CPQ: variants seen among roughly 807,000 people sequenced by gnomAD.
CPQ encodes carboxypeptidase Q.
Under a neutral mutation model 45.7 loss-of-function variants are expected in CPQ, and 37 were observed. The ratio of observed to expected loss-of-function variants is 0.81; its 90% CI spans 0.62 to 1.07. The LOEUF is 1.07. Among genes scored for constraint, CPQ ranks in the 50% least tolerant of loss-of-function variants. The pLI is 0.00. For missense variants in CPQ, 537 were observed against 572.9 expected (o/e 0.94, Z 0.64); for synonymous variants, 186 against 205.8 (o/e 0.90, Z 0.82).
At chr8:96,744,893 C>T (rs1236341008) in intron 1 of CPQ, among the ~76,000 whole-genome samples, 1 of 152,096 alleles carries the variant, frequency 6.6e-6, no homozygotes, top group Non-Finnish European at 1.5e-5. Context: ...GATTGTTGCA[C>T]ATCCCTTGGT....
chr8:96,715,645 C>T (rs1809663840), intron 1 of CPQ, among the ~76,000 whole-genome samples: 1 of 152,198 alleles, frequency 6.6e-6, no homozygotes, highest in Non-Finnish European at 1.5e-5. Context: ...GATAGAGCTG[C>T]AGACTTTCCC....
At chr8:96,712,641 G>T (rs907896002) in intron 1 of CPQ, among the ~76,000 whole-genome samples, 1 of 152,222 alleles carries the variant, frequency 6.6e-6, no homozygotes, top group Non-Finnish European at 1.5e-5. Flanking sequence ...CATAGCTGGA[G>T]CTGAAGCAGC....
intron 3 of CPQ, among the ~76,000 whole-genome samples, chr8:96,836,794 T>C (rs1262264817): frequency 8.6e-6 from 1 of 116,242 alleles, no homozygotes; most frequent in East Asian, 2.1e-4. Context: ...TTCACTGGCA[T>C]TTTTTTTTTT....
intron 2 of CPQ, among the ~76,000 whole-genome samples, chr8:96,814,589 A>T (rs1586411225): frequency 6.6e-6 from 1 of 152,180 alleles, no homozygotes; most frequent in East Asian, 1.9e-4. Context: ...CCCTCAACAT[A>T]TATATCATTT....
At chr8:96,647,359 T>TCA in intron 1 of CPQ, among the ~76,000 whole-genome samples, 1 of 152,342 alleles carries the variant, frequency 6.6e-6, no homozygotes, top group South Asian at 2.1e-4. Context: ...AGGCATGGAA[T>TCA]GTTACAAAGC....
chr8:96,891,243 G>A (rs1812371035), intron 4 of CPQ, among the ~76,000 whole-genome samples: 1 of 152,218 alleles, frequency 6.6e-6, no homozygotes, highest in African/African-American at 2.4e-5. Context: ...CAGAAGCATT[G>A]CGTGCAGAAT....
At chr8:96,900,628 T>A (rs1045514961) in intron 4 of CPQ, among the ~76,000 whole-genome samples, 2 of 152,212 alleles carry the variant, frequency 1.3e-5, no homozygotes, top group Non-Finnish European at 2.9e-5. Flanking sequence ...TTTTTTATGC[T>A]TAAGGGTACA....
chr8:97,086,099 G>T (rs1368385206), intron 7 of CPQ, among the ~76,000 whole-genome samples: 1 of 152,094 alleles, frequency 6.6e-6, no homozygotes, highest in Non-Finnish European at 1.5e-5. Flanking sequence ...TAAACTCAAG[G>T]ATATGGGAAG....
At chr8:97,142,137 A>G (rs1199360193) in intron 7 of CPQ, among the ~76,000 whole-genome samples, 2 of 152,138 alleles carry the variant, frequency 1.3e-5, no homozygotes, top group Admixed American at 6.6e-5. Flanking sequence ...TATTATTTTC[A>G]CCCTTTATAA....
intron 7 of CPQ, among the ~76,000 whole-genome samples, chr8:97,130,563 T>TA (rs1811936055): frequency 1.3e-5 from 2 of 152,040 alleles, no homozygotes; most frequent in South Asian, 4.2e-4. Context: ...AGGATTGTCC[T>TA]AAAAAATTAT....
At chr8:96,992,611 C>T (rs1809113882) in intron 5 of CPQ, among the ~76,000 whole-genome samples, 2 of 152,002 alleles carry the variant, frequency 1.3e-5, no homozygotes, top group South Asian at 4.1e-4. Context: ...ATAATAAAGC[C>T]ATCTTCAAGG....
intron 2 of CPQ, among the ~76,000 whole-genome samples, chr8:96,829,920 A>G (rs778373314): frequency 3.9e-5 from 6 of 152,158 alleles, no homozygotes; most frequent in Non-Finnish European, 8.8e-5. Flanking sequence ...TAGGAAGGCT[A>G]TACATTTGTT....
chr8:97,046,310 A>T (rs1295373344), intron 6 of CPQ, among the ~76,000 whole-genome samples: 1 of 151,822 alleles, frequency 6.6e-6, no homozygotes, highest in African/African-American at 2.4e-5. Context: ...ACTCTCATCA[A>T]ATGCTTGTCC....
intron 3 of CPQ, among the ~76,000 whole-genome samples, chr8:96,872,973 C>T (rs946290906): frequency 6.6e-6 from 1 of 151,734 alleles, no homozygotes; most frequent in Non-Finnish European, 1.5e-5. Context: ...AAAGTCCTTC[C>T]TGTATGGTGT....
At chr8:97,107,531 A>T (rs1321174802) in intron 7 of CPQ, among the ~76,000 whole-genome samples, 7 of 152,264 alleles carry the variant, frequency 4.6e-5, no homozygotes, top group Admixed American at 1.3e-4. Context: ...CCTAAGGAAG[A>T]TGGACCCAGA....
At chr8:96,741,116 C>T (rs1001217483) in intron 1 of CPQ, among the ~76,000 whole-genome samples, 12 of 152,206 alleles carry the variant, frequency 7.9e-5, no homozygotes, top group African/African-American at 2.2e-4. Context: ...GACTCTTTTT[C>T]GTTGGTAAGC....
intron 7 of CPQ, among the ~76,000 whole-genome samples, chr8:97,106,981 G>GTGACCT (rs1811416112): frequency 6.6e-6 from 1 of 152,176 alleles, no homozygotes; most frequent in Non-Finnish European, 1.5e-5. Flanking sequence ...TAATATATTG[G>GTGACCT]TGACCTTGAC....
chr8:96,713,564 A>G (rs192554186), intron 1 of CPQ, among the ~76,000 whole-genome samples: 1 of 152,274 alleles, frequency 6.6e-6, no homozygotes, highest in East Asian at 1.9e-4. Context: ...CTCCCTAGAA[A>G]ACCATCAGAT....
intron 3 of CPQ, among the ~76,000 whole-genome samples, chr8:96,865,301 G>A (rs1811983513): frequency 6.6e-6 from 1 of 152,048 alleles, no homozygotes; most frequent in African/African-American, 2.4e-5. Flanking sequence ...TACTCAGTGA[G>A]AACCTGTGAG....
Sources: allele counts gnomAD v4.1 joint callset (sites outside exome capture counted in the v4.1 genomes callset), GRCh38; gene constraint gnomAD v4.1.1; transcripts MANE v1.5; gene names NCBI Gene and HGNC (gene_info 2026-07-23, HGNC 2026-07-21).